RCC2: variants seen among roughly 807,000 people sequenced by gnomAD.
RCC2 encodes protein RCC2.
In RCC2, 19 loss-of-function variants were observed where a neutral mutation model predicts 64.1. The ratio of observed to expected loss-of-function variants is 0.30; its 90% CI spans 0.21 to 0.44. RCC2 has a LOEUF of 0.44. Ranked by LOEUF, RCC2 falls within the 20% of genes least tolerant of loss-of-function variation. The pLI is 1.00. For synonymous variants in RCC2, 325 were observed against 279.6 expected (o/e 1.16, Z -1.62); for missense variants, 508 against 710.4 (o/e 0.72, Z 3.24).
In RCC2 at chr1:17,438,283, C is replaced by T. The variant is rs761653669; in HGVS notation, c.232G>A (p.Ala78Thr). The T allele has an allele frequency of 6.7e-5, 87 of 1,300,450 alleles. 1 individual carries two copies. Among genetic ancestry groups the T allele is most frequent in the Non-Finnish European group, 8.1e-5 (82 of 1,009,544 alleles). 80.6% of individuals were successfully genotyped at this position (1,300,450 alleles called of 1,614,324 possible). The change falls in exon 2 of 13, where the codon GCG (alanine) becomes ACG (threonine). Residue 78 changes from alanine to threonine, a missense_variant. Around this residue, in one of 4 missense-constraint regions of RCC2, gnomAD observed 195 missense variants for 158.3 expected, o/e 1.23. Coordinates refer to ENST00000375436, the MANE Select transcript of RCC2 (RefSeq NM_018715.4). The stretch of plus-strand genomic sequence containing the variant: ...GTGATGACCACGGCCGCGCCGCCCG[C>T]CTTGCCTGCTGTCGCCGGCCGCGCC... Reference protein sequence around the residue: ...RAARPATAGKAGGAAVVITEP... With the variant: ...RAARPATAGKTGGAAVVITEP...
At chr1:17,416,053 G>A (rs1169027328) in intron 8 of RCC2, among the ~76,000 whole-genome samples, 2 of 107,670 alleles carry the variant, frequency 1.9e-5, no homozygotes, top group African/African-American at 7.3e-5. Flanking sequence ...TGGGCAACAA[G>A]AGTGAAACTG....
intron 7 of RCC2, among the ~76,000 whole-genome samples, chr1:17,418,975 G>C (rs1183778467): frequency 6.6e-6 from 1 of 152,176 alleles, no homozygotes; most frequent in Non-Finnish European, 1.5e-5. Context: ...GCTTTCTCCA[G>C]AAGTACAGGA....
chr1:17,423,705 T>C (rs2075581960), intron 4 of RCC2, among the ~76,000 whole-genome samples: 1 of 152,200 alleles, frequency 6.6e-6, no homozygotes, highest in South Asian at 2.1e-4. Context: ...TCCCTCCCGA[T>C]AAGAGAAAAA....
At chr1:17,433,857 AATGCCGGC>A (rs1246785552) in intron 2 of RCC2, among the ~76,000 whole-genome samples, 3 of 152,154 alleles carry the variant, frequency 2.0e-5, no homozygotes, top group African/African-American at 7.2e-5. Flanking sequence ...CCCCGGGAAC[AATGCCGGC>A]ATCGACCAAT....
intron 2 of RCC2, among the ~76,000 whole-genome samples, chr1:17,433,269 T>C (rs922156883): frequency 3.3e-5 from 5 of 152,238 alleles, no homozygotes; most frequent in African/African-American, 1.2e-4. Context: ...CTCTATAACT[T>C]CTTTCCTCTG....
At chr1:17,423,887 G>C (rs572330029) in intron 4 of RCC2, among the ~76,000 whole-genome samples, 3 of 152,328 alleles carry the variant, frequency 2.0e-5, no homozygotes, top group Admixed American at 1.3e-4. Flanking sequence ...CCTGGAGAAG[G>C]CTTGCAGGAG....
At chr1:17,412,951 G>T (rs962575954) in intron 10 of RCC2, 122 bp downstream of exon 10, 1 of 704,396 alleles carries the variant, frequency 1.4e-6, no homozygotes, top group Non-Finnish European at 2.5e-6. Flanking sequence ...CAGATGGCCT[G>T]CTGAGGACAG....
intron 10 of RCC2, 69 bp from the exon 11 acceptor site, chr1:17,412,263 A>T: frequency 6.8e-7 from 1 of 1,465,366 alleles, no homozygotes; most frequent in Non-Finnish European, 9.5e-7. Flanking sequence ...CTATGGCTCA[A>T]GGGCATGAGT....
intron 2 of RCC2, among the ~76,000 whole-genome samples, chr1:17,434,378 AGGAC>A (rs2075714810): frequency 6.6e-6 from 1 of 152,230 alleles, no homozygotes; most frequent in Non-Finnish European, 1.5e-5. Context: ...AAAACCTGTA[AGGAC>A]CAGGTCACAG....
chr1:17,420,138 G>A (rs1449574387), intron 7 of RCC2, among the ~76,000 whole-genome samples: 1 of 152,198 alleles, frequency 6.6e-6, no homozygotes, highest in African/African-American at 2.4e-5. Flanking sequence ...CCGATGGGAA[G>A]GAGAATGGAG....
intron 1 of RCC2, among the ~76,000 whole-genome samples, chr1:17,439,233 C>G (rs924289257): frequency 6.6e-5 from 10 of 152,056 alleles, no homozygotes; most frequent in Non-Finnish European, 1.0e-4. Context: ...CTCCCAGCCC[C>G]CTTGCCGGCC....
chr1:17,412,957 G>A (rs1408451366), intron 10 of RCC2, 116 bp downstream of exon 10: 11 of 732,494 alleles, frequency 1.5e-5, no homozygotes, highest in African/African-American at 5.3e-5. Flanking sequence ...GCCTGCTGAG[G>A]ACAGCCCAAC....
At chr1:17,419,093 G>A (rs1311433052) in intron 7 of RCC2, among the ~76,000 whole-genome samples, 1 of 152,184 alleles carries the variant, frequency 6.6e-6, no homozygotes, top group Non-Finnish European at 1.5e-5. Context: ...GGTGGCTCAT[G>A]CCTGTAATCC....
At chr1:17,422,443 A>G (rs1019025108) in intron 5 of RCC2, 152 bp from the exon 6 acceptor site, 1 of 774,424 alleles carries the variant, frequency 1.3e-6, no homozygotes, top group Non-Finnish European at 2.1e-6. Context: ...CAGACGCTTC[A>G]CAGCAAAGCC....
chr1:17,429,001 G>A, intron 3 of RCC2, 105 bp downstream of exon 3: 1 of 900,458 alleles, frequency 1.1e-6, no homozygotes. Flanking sequence ...CTTGGCCTCT[G>A]TGAAAATGCA....
chr1:17,435,222 G>C (rs777594891), intron 2 of RCC2, among the ~76,000 whole-genome samples: 3 of 152,220 alleles, frequency 2.0e-5, no homozygotes, highest in Non-Finnish European at 4.4e-5. Context: ...TCTGCCATAA[G>C]AATGTTCTAT....
intron 7 of RCC2, among the ~76,000 whole-genome samples, chr1:17,419,049 CTTTAAAA>C (rs1298757594): frequency 6.6e-6 from 1 of 152,070 alleles, no homozygotes; most frequent in Non-Finnish European, 1.5e-5. Flanking sequence ...GGTGACAGCT[CTTTAAAA>C]TAAAGTTAAA....
chr1:17,432,883 G>A (rs1232819028), intron 2 of RCC2, among the ~76,000 whole-genome samples: 3 of 152,172 alleles, frequency 2.0e-5, no homozygotes, highest in East Asian at 1.9e-4. Flanking sequence ...GCATGAACCC[G>A]GGAGGCGGGG....
Position 17,413,080 on chromosome 1 carries a change from C to A in RCC2, c.1306G>T (p.Ala436Ser). Reference sequence around the variant, plus strand: ...GGAGATGCTGCCACCTACCCACAAGCCAGGCTCCGGATTCTCCAGCCGCAG... The same window carrying A: ...GGAGATGCTGCCACCTACCCACAAGACAGGCTCCGGATTCTCCAGCCGCAG... ...DLCGWRIRSL[A>S]CGKSSIIVAA... The change falls in exon 10 of 13, where the codon GCT becomes TCT. Residue 436 changes from alanine to serine, a missense_variant. Ala to Ser is a moderately conservative substitution (Grantham distance 99). This residue lies in a region of RCC2 where 179 missense variants were observed against 322.0 expected (regional missense o/e 0.56). Transcript: ENST00000375436. The A allele has an allele frequency of 1.9e-6, 3 of 1,612,608 alleles. No individual in the cohort carries two copies. Among genetic ancestry groups the A allele is most frequent in the Non-Finnish European group, 2.5e-6 (3 of 1,179,062 alleles).
Sources: allele counts gnomAD v4.1 joint callset (sites outside exome capture counted in the v4.1 genomes callset), GRCh38; gene constraint gnomAD v4.1.1; regional missense constraint gnomAD v4.1.1; transcripts MANE v1.5; gene names NCBI Gene and HGNC (gene_info 2026-07-23, HGNC 2026-07-21).